Variants in DCLK1 observed in about 807,000 individuals in gnomAD.
The protein encoded by DCLK1 is doublecortin like kinase 1, also known as serine/threonine-protein kinase DCLK1.
Under a neutral mutation model 86.2 loss-of-function variants are expected in DCLK1, and 16 were observed. That is an observed-to-expected ratio of 0.19 (90% CI 0.13 to 0.28). DCLK1 has a LOEUF of 0.28. DCLK1 is among the 10% of genes least tolerant of loss of function. DCLK1 has a pLI of 1.00. For missense variants in DCLK1, 590 were observed against 940.2 expected, an observed-to-expected ratio of 0.63 and a Z score of 4.87; for synonymous variants, 369 against 370.5, an observed-to-expected ratio of 1.00 and a Z score of 0.05.
At chr13:35,859,324 T>C (rs1871253474) in intron 5 of DCLK1, among the ~76,000 whole-genome samples, 1 of 152,222 alleles carries the variant, frequency 6.6e-6, no homozygotes, top group Admixed American at 6.5e-5. Context: ...CTTTTATCTG[T>C]ATAGGTACAT....
At chr13:36,005,957 T>G (rs548401766) in intron 3 of DCLK1, among the ~76,000 whole-genome samples, 16 of 151,230 alleles carry the variant, frequency 1.1e-4, no homozygotes, top group Non-Finnish European at 2.4e-4. Context: ...AAAGTGAGAG[T>G]TGAACAATGA....
At chr13:35,780,974 C>A (rs2086515057) in intron 16 of DCLK1, among the ~76,000 whole-genome samples, 1 of 152,256 alleles carries the variant, frequency 6.6e-6, no homozygotes, top group African/African-American at 2.4e-5. Flanking sequence ...GTGGCCTCTT[C>A]TGTTACAATG....
intron 3 of DCLK1, among the ~76,000 whole-genome samples, chr13:35,971,684 A>G (rs976950471): frequency 2.6e-5 from 4 of 151,682 alleles, no homozygotes; most frequent in African/African-American, 9.7e-5. Context: ...AATCTCTTGA[A>G]CCTGGGAGGC....
intron 3 of DCLK1, among the ~76,000 whole-genome samples, chr13:35,947,735 T>G (rs1312378512): frequency 3.3e-5 from 5 of 152,242 alleles, no homozygotes; most frequent in African/African-American, 9.6e-5. Flanking sequence ...AAGAGCCCTT[T>G]GTTTCCATAA....
At chr13:36,032,660 A>G (rs997439993) in intron 3 of DCLK1, among the ~76,000 whole-genome samples, 1 of 152,078 alleles carries the variant, frequency 6.6e-6, no homozygotes, top group African/African-American at 2.4e-5. Flanking sequence ...CATTTTTGCA[A>G]TGATCCCTTG....
chr13:35,968,981 G>A (rs1416817743), intron 3 of DCLK1, among the ~76,000 whole-genome samples: 2 of 152,104 alleles, frequency 1.3e-5, no homozygotes, highest in African/African-American at 4.8e-5. Flanking sequence ...AGTTCAAAAC[G>A]AAGCACAACC....
chr13:36,100,758 C>T (rs1001097475), intron 3 of DCLK1, among the ~76,000 whole-genome samples: 1 of 152,078 alleles, frequency 6.6e-6, no homozygotes, highest in Non-Finnish European at 1.5e-5. Flanking sequence ...GGCGACACCC[C>T]CTCAGTCTCT....
rs77419000 is a variant in DCLK1 at position 36,082,285 on chromosome 13, C to T, written c.723+29584G>A. Among the ~76,000 whole-genome samples, 22 of 152,164 alleles carry T rather than the reference C, an allele frequency of 1.4e-4. No individual in the cohort carries two copies. In the East Asian group the frequency reaches 3.3e-3, roughly 23 times the overall value. ...TTTATGGTGATCCACTTCCACTTAACGAATAGGAGTTATATTTTATCTTAA... is the reference window on the plus strand; with the variant it reads ...TTTATGGTGATCCACTTCCACTTAATGAATAGGAGTTATATTTTATCTTAA... On this transcript the variant is annotated intron_variant, in intron 3 of 16. Transcript: ENST00000360631.
intron 3 of DCLK1, among the ~76,000 whole-genome samples, chr13:35,952,868 G>A (rs1877779914): frequency 6.6e-6 from 1 of 152,088 alleles, no homozygotes; most frequent in African/African-American, 2.4e-5. Flanking sequence ...AAAAAACATG[G>A]GTGATTATAA....
chr13:35,982,433 G>GAGAGA (rs1566631727), intron 3 of DCLK1, among the ~76,000 whole-genome samples: 1 of 21,692 alleles, frequency 4.6e-5, no homozygotes. Flanking sequence ...AGAGAGAGAG[G>GAGAGA]GGGAGGGAGG....
At chr13:36,124,138 C>T (rs7332939) in intron 2 of DCLK1, among the ~76,000 whole-genome samples, 46,365 of 152,066 alleles carry the variant, frequency 0.3, 7,477 homozygotes, top group South Asian at 0.41. Flanking sequence ...GTACTACCGG[C>T]CCTCAGAGGG....
intron 6 of DCLK1, chr13:35,849,175 T>A (rs1342037820): frequency 1.9e-5 from 19 of 985,212 alleles, no homozygotes; most frequent in Non-Finnish European, 2.2e-5. Flanking sequence ...CTTCTTTTGG[T>A]TGGAATATTT....
At chr13:36,031,028 T>A (rs886168579) in intron 3 of DCLK1, among the ~76,000 whole-genome samples, 2 of 152,182 alleles carry the variant, frequency 1.3e-5, no homozygotes, top group African/African-American at 4.8e-5. Context: ...CTAAACCATG[T>A]ATAAGATGAC....
At chr13:36,007,025 C>T (rs903393530) in intron 3 of DCLK1, among the ~76,000 whole-genome samples, 2 of 152,106 alleles carry the variant, frequency 1.3e-5, no homozygotes, top group Non-Finnish European at 2.9e-5. Flanking sequence ...AAAGTTTACA[C>T]AAAGAAATCA....
At chr13:36,107,733 A>G (rs1276838929) in intron 3 of DCLK1, among the ~76,000 whole-genome samples, 1 of 152,172 alleles carries the variant, frequency 6.6e-6, no homozygotes, top group Non-Finnish European at 1.5e-5. Flanking sequence ...CCACAGATTT[A>G]GCAGCTCAAG....
chr13:36,107,324 A>C (rs911969052), intron 3 of DCLK1, among the ~76,000 whole-genome samples: 3 of 144,286 alleles, frequency 2.1e-5, no homozygotes. Context: ...CTAGCATGCT[A>C]GCAGTGGTAG....
At chr13:35,988,962 C>G (rs1343182) in intron 3 of DCLK1, among the ~76,000 whole-genome samples, 1 of 152,144 alleles carries the variant, frequency 6.6e-6, no homozygotes, top group Non-Finnish European at 1.5e-5. Flanking sequence ...ACTCCAGGAT[C>G]TAAACAACCA....
At chr13:35,815,610 A>C (rs2153103839) in intron 11 of DCLK1, among the ~76,000 whole-genome samples, 1 of 152,350 alleles carries the variant, frequency 6.6e-6, no homozygotes, top group Admixed American at 6.5e-5. Context: ...TTACTTTTTA[A>C]CATATACGGT....
At chr13:36,103,055 A>T (rs949963660) in intron 3 of DCLK1, among the ~76,000 whole-genome samples, 4 of 152,114 alleles carry the variant, frequency 2.6e-5, no homozygotes, top group African/African-American at 9.7e-5. Flanking sequence ...ACAGAGTGGG[A>T]TCTGTGGGGT....
Sources: gnomAD v4.1 joint callset for allele counts (sites outside exome capture counted in the v4.1 genomes callset) on GRCh38, gnomAD v4.1.1 for gene constraint, MANE v1.5 for transcripts, NCBI Gene and HGNC (gene_info 2026-07-23, HGNC 2026-07-21) for gene names.